Variants in RC3H1 observed in about 807,000 individuals in gnomAD.
RC3H1 encodes the protein roquin-1.
In RC3H1, 50 loss-of-function variants were observed where a neutral mutation model predicts 138.2. The ratio of observed to expected loss-of-function variants is 0.36; its 90% CI spans 0.29 to 0.46. The LOEUF is 0.46. Ranked by LOEUF, RC3H1 falls within the 20% of genes least tolerant of loss-of-function variation. The pLI is 1.00. For synonymous variants in RC3H1, 462 were observed against 489.1 expected, an observed-to-expected ratio of 0.94 and a Z score of 0.73; for missense variants, 1,031 against 1,388.1, an observed-to-expected ratio of 0.74 and a Z score of 4.09.
chr1:174,006,888 A>C (rs993420432), intron 1 of RC3H1, among the ~76,000 whole-genome samples: 21 of 152,328 alleles, frequency 1.4e-4, no homozygotes, highest in Admixed American at 5.9e-4. Flanking sequence ...ATATTTTAAG[A>C]TGAAGTATAA....
intron 1 of RC3H1, among the ~76,000 whole-genome samples, chr1:174,021,524 A>G (rs1281639579): frequency 2.0e-5 from 3 of 151,804 alleles, no homozygotes; most frequent in Non-Finnish European, 2.9e-5. Flanking sequence ...CACACACACA[A>G]TTTTCCCATC....
At chr1:173,940,167 C>A (rs980202049) in intron 19 of RC3H1, among the ~76,000 whole-genome samples, 2 of 152,002 alleles carry the variant, frequency 1.3e-5, no homozygotes, top group African/African-American at 4.8e-5. Context: ...TAAATGCCCA[C>A]ACACTTTAAA....
At chr1:173,970,337 G>A (rs1660302110) in intron 9 of RC3H1, among the ~76,000 whole-genome samples, 168 bp downstream of exon 9, 1 of 152,144 alleles carries the variant, frequency 6.6e-6, no homozygotes, top group South Asian at 2.1e-4. Context: ...AAGCATTTTT[G>A]GATTTTGAAG....
chr1:173,972,749 T>G (rs1438872579), intron 7 of RC3H1, 122 bp from the exon 8 acceptor site: 3 of 665,864 alleles, frequency 4.5e-6, no homozygotes, highest in Admixed American at 2.4e-5. Context: ...CTTAGCTTTT[T>G]AGATAATAGC....
intron 8 of RC3H1, 48 bp downstream of exon 8, chr1:173,972,461 A>G: frequency 1.6e-6 from 2 of 1,289,310 alleles, no homozygotes; most frequent in Non-Finnish European, 2.3e-6. Context: ...TATAGTTTTA[A>G]GGCATATCCA....
chr1:174,010,671 C>T (rs999106408), intron 1 of RC3H1, among the ~76,000 whole-genome samples: 7 of 108,428 alleles, frequency 6.5e-5, no homozygotes, highest in Non-Finnish European at 1.0e-4. Flanking sequence ...GCCTCGGCCT[C>T]CCAGTGAGCC....
chr1:174,017,471 T>C (rs192185556), intron 1 of RC3H1, among the ~76,000 whole-genome samples: 4 of 152,194 alleles, frequency 2.6e-5, no homozygotes, highest in Admixed American at 6.5e-5. Flanking sequence ...CAAAGTTTTT[T>C]CTGCAATTTC....
chr1:173,943,902 T>TA (rs1296113323), intron 17 of RC3H1, among the ~76,000 whole-genome samples: 5 of 152,198 alleles, frequency 3.3e-5, no homozygotes, highest in African/African-American at 1.2e-4. Context: ...CTTGTGCCTT[T>TA]AATTCTAGCA....
intron 1 of RC3H1, among the ~76,000 whole-genome samples, chr1:174,021,371 G>C (rs1343267818): frequency 6.6e-6 from 1 of 152,164 alleles, no homozygotes; most frequent in Non-Finnish European, 1.5e-5. Context: ...CCTGGGATGC[G>C]GGCATAACTG....
At chr1:174,011,896 T>C (rs917154215) in intron 1 of RC3H1, among the ~76,000 whole-genome samples, 15 of 152,094 alleles carry the variant, frequency 9.9e-5, no homozygotes, top group African/African-American at 1.9e-4. Context: ...CGTATTAGCA[T>C]TGAAAATTAG....
At chr1:173,987,712 T>C (rs1002261994) in intron 2 of RC3H1, among the ~76,000 whole-genome samples, 1 of 152,150 alleles carries the variant, frequency 6.6e-6, no homozygotes, top group Non-Finnish European at 1.5e-5. Flanking sequence ...CAAGGAAATA[T>C]GTCACTGTAA....
chr1:173,973,287 C>T (rs1392497754), intron 7 of RC3H1, among the ~76,000 whole-genome samples: 1 of 152,130 alleles, frequency 6.6e-6, no homozygotes, highest in Non-Finnish European at 1.5e-5. Context: ...CCTGTAATCT[C>T]AGCACTTTCG....
chr1:173,997,445 C>A (rs1309143297), intron 1 of RC3H1, among the ~76,000 whole-genome samples: 1 of 152,016 alleles, frequency 6.6e-6, no homozygotes, highest in Admixed American at 6.6e-5. Context: ...TTTAGATAGC[C>A]AAATATCAAA....
intron 5 of RC3H1, among the ~76,000 whole-genome samples, chr1:173,981,954 G>A (rs1391162639): frequency 3.3e-5 from 5 of 152,042 alleles, no homozygotes; most frequent in Admixed American, 2.6e-4. Context: ...TACATAGTGA[G>A]TAGCAATGTT....
Position 174,014,365 on chromosome 1 carries a change from T to TA in RC3H1, c.-151+7730dup, listed in dbSNP as rs879667616. 4.2e-3 allele frequency among the ~76,000 whole-genome samples: 618 copies of TA among 146,844 alleles called. 1 individual carries two copies. Among genetic ancestry groups the TA allele is most frequent in the African/African-American group, 0.012 (501 of 40,156 alleles). On this transcript the variant is annotated intron_variant, in intron 1 of 19. Coordinates refer to ENST00000367696, the MANE Select transcript of RC3H1 (RefSeq NM_172071.4). ...TTTTTCTGTAAATCCAAAACTGTTC[T>TA]AAAAAAAAAAATCTTTCAAAAAACT...
At chr1:174,004,588 C>G (rs1362655559) in intron 1 of RC3H1, among the ~76,000 whole-genome samples, 1 of 151,504 alleles carries the variant, frequency 6.6e-6, no homozygotes, top group Non-Finnish European at 1.5e-5. Flanking sequence ...GGTGGATCAC[C>G]TGAGGTCAGG....
In RC3H1 at chr1:173,938,071, C is replaced by A. The variant is rs1346449737; in HGVS notation, c.*650G>T. On this transcript the variant is annotated 3_prime_UTR_variant, in exon 20 of 20. Coordinates refer to ENST00000367696, the MANE Select transcript of RC3H1 (RefSeq NM_172071.4). Reference sequence around the variant, plus strand: ...AAGAAATAAAACCCTCCCAAACAAACAAAAAGCTTCAATGTCAAGAAAAAT... The same window carrying A: ...AAGAAATAAAACCCTCCCAAACAAAAAAAAAGCTTCAATGTCAAGAAAAAT... 6.6e-6 allele frequency: 1 copy of A among 152,078 alleles called. No individual in the cohort carries two copies. Among genetic ancestry groups the A allele is most frequent in the Non-Finnish European group, 1.5e-5 (1 of 67,980 alleles). 9.4% of individuals were successfully genotyped at this position (152,078 alleles called of 1,614,324 possible).
At chr1:173,986,088 C>A (rs190373990) in intron 2 of RC3H1, among the ~76,000 whole-genome samples, 12 of 152,214 alleles carry the variant, frequency 7.9e-5, no homozygotes, top group African/African-American at 2.6e-4. Flanking sequence ...GTGGCACCAT[C>A]TCGGCTCACT....
At chr1:174,004,788 GAAAA>G (rs922182161) in intron 1 of RC3H1, among the ~76,000 whole-genome samples, 4 of 151,992 alleles carry the variant, frequency 2.6e-5, no homozygotes, top group African/African-American at 9.7e-5. Flanking sequence ...AGAGAGAAAA[GAAAA>G]AAGTCTATCG....
Sources: gnomAD v4.1 joint callset for allele counts (sites outside exome capture counted in the v4.1 genomes callset) on GRCh38, gnomAD v4.1.1 for gene constraint, MANE v1.5 for transcripts, NCBI Gene and HGNC (gene_info 2026-07-23, HGNC 2026-07-21) for gene names.